Variants in CIMIP2C observed in about 807,000 individuals in gnomAD.
CIMIP2C encodes the protein ciliary microtubule inner protein 2C, also known as UPF0573 protein C2orf70.
the CIMIP2C span, among the ~76,000 whole-genome samples, chr2:26,571,693 G>A: frequency 2.2e-4 from 34 of 152,118 alleles, no homozygotes; most frequent in African/African-American, 7.0e-4. Context: ...CAGGGTCAAC[G>A]TTTGGTGCAT....
the CIMIP2C span, among the ~76,000 whole-genome samples, chr2:26,573,604 GCAAGGCACCCAC>G: frequency 6.6e-6 from 1 of 152,236 alleles, no homozygotes; most frequent in Non-Finnish European, 1.5e-5. Context: ...AGGAGAGAGA[GCAAGGCACCCAC>G]CAATTCCTCC....
At chr2:26,566,180 C>T in the CIMIP2C span, among the ~76,000 whole-genome samples, 1 of 152,264 alleles carries the variant, frequency 6.6e-6, no homozygotes, top group East Asian at 1.9e-4. Context: ...ACTGCCACTG[C>T]GCCCCATGCC....
the CIMIP2C span, among the ~76,000 whole-genome samples, chr2:26,571,671 C>T: frequency 2.0e-5 from 3 of 152,144 alleles, no homozygotes; most frequent in Non-Finnish European, 4.4e-5. Context: ...AATCCAAACA[C>T]CCTGAATTAT....
chr2:26,575,765 C>A, the CIMIP2C span: 1 of 1,047,870 alleles, frequency 9.5e-7, no homozygotes. Flanking sequence ...CTCAGGTGTT[C>A]TTCCCTCCTC....
At chr2:26,565,158 C>T in the CIMIP2C span, among the ~76,000 whole-genome samples, 123 of 150,376 alleles carry the variant, frequency 8.2e-4, no homozygotes, top group African/African-American at 2.9e-3. Context: ...GGCGCAATCT[C>T]GGCTCACAGC....
chr2:26,575,959 C>A, the CIMIP2C span: 34 of 1,613,968 alleles, frequency 2.1e-5, no homozygotes, highest in Non-Finnish European at 2.6e-5. Context: ...ACGGCACCAC[C>A]ACCCTCAAGT....
the CIMIP2C span, among the ~76,000 whole-genome samples, chr2:26,565,741 G>A: frequency 6.6e-6 from 1 of 152,330 alleles, no homozygotes; most frequent in South Asian, 2.1e-4. Flanking sequence ...GTTAACATGC[G>A]TAAAGCCTGG....
the CIMIP2C span, among the ~76,000 whole-genome samples, chr2:26,572,964 T>C: frequency 1.3e-5 from 2 of 152,256 alleles, no homozygotes; most frequent in Non-Finnish European, 2.9e-5. Context: ...ATATCTTGAT[T>C]AAGCTTCATC....
chr2:26,575,465 T>C, the CIMIP2C span, among the ~76,000 whole-genome samples: 1 of 152,200 alleles, frequency 6.6e-6, no homozygotes, highest in South Asian at 2.1e-4. Flanking sequence ...CCTACAGCAT[T>C]GACTGGGGGG....
At chr2:26,575,897 G>T in the CIMIP2C span, 6 of 1,611,060 alleles carry the variant, frequency 3.7e-6, no homozygotes, top group South Asian at 1.1e-5. Flanking sequence ...CACCGTGATC[G>T]GCAGGTACCA....
chr2:26,575,391 G>T, the CIMIP2C span, among the ~76,000 whole-genome samples: 1 of 152,240 alleles, frequency 6.6e-6, no homozygotes, highest in Non-Finnish European at 1.5e-5. Flanking sequence ...GGAGCCAGAG[G>T]AGGCCTTTGC....
the CIMIP2C span, among the ~76,000 whole-genome samples, chr2:26,569,187 T>C: frequency 5.6e-3 from 849 of 151,876 alleles, 3 homozygotes; most frequent in Non-Finnish European, 8.6e-3. Context: ...ATGGGTAAGA[T>C]CACAATGTGG....
the CIMIP2C span, among the ~76,000 whole-genome samples, chr2:26,573,400 G>A: frequency 3.1e-3 from 476 of 152,342 alleles, no homozygotes; most frequent in African/African-American, 0.011. Context: ...CAGGCAGAGG[G>A]GAAGAGGCCG....
chr2:26,567,986 G>A, the CIMIP2C span, among the ~76,000 whole-genome samples: 2 of 152,186 alleles, frequency 1.3e-5, no homozygotes, highest in African/African-American at 4.8e-5. Flanking sequence ...TTTGAAAGAA[G>A]GGACCTCCTC....
chr2:26,565,346 C>A, the CIMIP2C span, among the ~76,000 whole-genome samples: 1 of 152,246 alleles, frequency 6.6e-6, no homozygotes, highest in Non-Finnish European at 1.5e-5. Context: ...CCGCCTTGGC[C>A]TCCCAAAGTG....
the CIMIP2C span, among the ~76,000 whole-genome samples, chr2:26,571,108 T>C: frequency 6.8e-6 from 1 of 146,760 alleles, no homozygotes; most frequent in East Asian, 2.1e-4. Context: ...TGTGGATCCA[T>C]TGCCAGAATG....
chr2:26,562,790 C>T, the CIMIP2C span: 2 of 1,002,410 alleles, frequency 2.0e-6, no homozygotes, highest in South Asian at 1.4e-5. Context: ...GAAGGAACCC[C>T]GAGGAGCCAA....
the CIMIP2C span, chr2:26,577,692 G>C: frequency 1.7e-6 from 2 of 1,189,594 alleles, no homozygotes; most frequent in Non-Finnish European, 2.5e-6. Flanking sequence ...ACCTGCTCTC[G>C]GCCAGGCATG....
chr2:26,562,813 CG>C, the CIMIP2C span: 1 of 808,176 alleles, frequency 1.2e-6, no homozygotes, highest in African/African-American at 1.7e-5. Flanking sequence ...TTCCACCCGA[CG>C]GGGCGAGGGG....
Sources: allele counts gnomAD v4.1 joint callset (sites outside exome capture counted in the v4.1 genomes callset), GRCh38; gene constraint gnomAD v4.1.1; transcripts MANE v1.5; gene names NCBI Gene and HGNC (gene_info 2026-07-23, HGNC 2026-07-21).